Variants in SS18 observed in about 807,000 individuals in gnomAD.
SS18 encodes protein SSXT.
Under a neutral mutation model 72.5 loss-of-function variants are expected in SS18, and 28 were observed. That is an observed-to-expected ratio of 0.39 (90% CI 0.29 to 0.53). The LOEUF (loss-of-function observed/expected upper bound fraction) is 0.53, where lower values mean the gene tolerates loss of function less well. Ranked by LOEUF, SS18 falls within the 20% of genes least tolerant of loss-of-function variation. The pLI, the probability that SS18 is intolerant of heterozygous loss-of-function variation, is 0.76. For missense variants in SS18, 518 were observed against 535.3 expected, an observed-to-expected ratio of 0.97 and a Z score of 0.32; for synonymous variants, 172 against 164.2, an observed-to-expected ratio of 1.05 and a Z score of -0.37.
At chr18:26,029,544 T>C (rs1056401735) in intron 10 of SS18, among the ~76,000 whole-genome samples, 1 of 152,106 alleles carries the variant, frequency 6.6e-6, no homozygotes, top group Admixed American at 6.6e-5. Context: ...GTTTGCTAAT[T>C]GGATGTCTGC....
chr18:26,073,246 T>G (rs2144116378), intron 3 of SS18, among the ~76,000 whole-genome samples: 1 of 152,234 alleles, frequency 6.6e-6, no homozygotes, highest in African/African-American at 2.4e-5. Context: ...AAAATAATTA[T>G]GAAAATTAGA....
intron 4 of SS18, 121 bp downstream of exon 4, chr18:26,057,468 G>T: frequency 2.6e-6 from 3 of 1,136,534 alleles, no homozygotes; most frequent in Admixed American, 2.0e-5. Context: ...CTCTAAGAGA[G>T]CTTGTACTCG....
chr18:26,024,845 C>CTA (rs1233420120), intron 10 of SS18, among the ~76,000 whole-genome samples: 1 of 151,820 alleles, frequency 6.6e-6, no homozygotes, highest in Non-Finnish European at 1.5e-5. Flanking sequence ...GTCAAAAACC[C>CTA]CAATTTAAAG....
rs2053267408 is a variant in SS18, at chr18:26,017,388, T to A, written c.*966A>T. On this transcript the variant is annotated 3_prime_UTR_variant, in exon 11 of 11. Coordinates refer to ENST00000415083, the MANE Select transcript of SS18 (RefSeq NM_001007559.3). Reference sequence around the variant, plus strand: ...CCAATTATCCCTCAATATTACAAAATAAAATGACTGGATCAATGTTGACTC... The same window carrying A: ...CCAATTATCCCTCAATATTACAAAAAAAAATGACTGGATCAATGTTGACTC... 1 of 192,130 alleles carries A rather than the reference T, an allele frequency of 5.2e-6. No individual in the cohort carries two copies. The highest frequency in any genetic ancestry group is 1.1e-5 in the Non-Finnish European group (1 of 91,684). 11.9% of individuals were successfully genotyped at this position (192,130 alleles called of 1,614,324 possible).
chr18:26,071,648 T>A (rs1275719677), intron 3 of SS18, among the ~76,000 whole-genome samples: 1 of 151,974 alleles, frequency 6.6e-6, no homozygotes, highest in Non-Finnish European at 1.5e-5. Flanking sequence ...CCGGGCGATA[T>A]AAGACCCCAT....
Position 26,090,578 on chromosome 18 carries a change from C to G in SS18, c.-9G>C, listed in dbSNP as rs779056598. 11 of 1,577,228 alleles carry G rather than the reference C, an allele frequency of 7.0e-6. No individual in the cohort carries two copies. The Admixed American group carries it at 1.4e-4, about 21-fold the overall frequency. The stretch of plus-strand genomic sequence containing the variant: ...GCGAAAGCCACAGACATGTTGCCGC[C>G]GTCACCACTATCGGCAAGTCCCGAG... On this transcript the variant is annotated 5_prime_UTR_variant, in exon 1 of 11. Transcript: ENST00000415083.
At chr18:26,077,902 A>G (rs1448884769) in intron 3 of SS18, among the ~76,000 whole-genome samples, 174 bp downstream of exon 3, 1 of 152,176 alleles carries the variant, frequency 6.6e-6, no homozygotes, top group Non-Finnish European at 1.5e-5. Flanking sequence ...TTTTAGGTGA[A>G]TTCAAATTAA....
At chr18:26,081,733 A>G (rs2054527019) in intron 2 of SS18, among the ~76,000 whole-genome samples, 1 of 152,046 alleles carries the variant, frequency 6.6e-6, no homozygotes, top group Non-Finnish European at 1.5e-5. Context: ...TCACTGAAAC[A>G]GTTTACTTTC....
chr18:26,035,941 G>A lies in SS18; in HGVS notation c.881-18C>T. 6.4e-7 allele frequency: 1 copy of A among 1,556,064 alleles called. No individual in the cohort carries two copies. Among genetic ancestry groups the A allele is most frequent in the Non-Finnish European group, 8.8e-7 (1 of 1,137,206 alleles). ...ATTATGACCTACATCAATTCGACAA[G>A]AGACAGGAAGAAACGTTAATGGCCA... is the stretch of plus-strand genomic sequence containing the variant. On this transcript the variant is annotated intron_variant, in intron 7 of 10. Transcript: ENST00000415083. The surrounding 1 kb of genome is among the most constrained non-coding windows in gnomAD (Gnocchi z 4.4).
intron 3 of SS18, among the ~76,000 whole-genome samples, chr18:26,075,924 GAAAAT>G (rs1398436293): frequency 6.6e-6 from 1 of 151,718 alleles, no homozygotes; most frequent in Non-Finnish European, 1.5e-5. Flanking sequence ...AATGCAGCTA[GAAAAT>G]AAAACTTAAA....
At chr18:26,057,528 C>T (rs923359211) in intron 4 of SS18, 61 bp downstream of exon 4, 23 of 1,595,760 alleles carry the variant, frequency 1.4e-5, no homozygotes, top group Non-Finnish European at 2.0e-5. Flanking sequence ...CCCTTGAGCC[C>T]CCATGTCGTT....
At chr18:26,045,402 C>T (rs2053803084) in intron 5 of SS18, among the ~76,000 whole-genome samples, 1 of 152,152 alleles carries the variant, frequency 6.6e-6, no homozygotes, top group Admixed American at 6.5e-5. Context: ...GGTCTCCTTG[C>T]TATACTTCAA....
intron 5 of SS18, among the ~76,000 whole-genome samples, chr18:26,042,199 A>AC (rs2053740829): frequency 6.6e-6 from 1 of 152,334 alleles, no homozygotes; most frequent in Middle Eastern, 3.4e-3. Context: ...TCAAAAGGTT[A>AC]CCCCAAAATA....
At position 26,058,681 on chromosome 18, in the gene SS18, T is replaced by G. The variant is rs1229606517; in HGVS notation, c.232-939A>C. Among the ~76,000 whole-genome samples the G allele has an allele frequency of 5.3e-5, 8 of 152,334 alleles. No individual in the cohort carries two copies. The East Asian group carries it at 1.2e-3, about 22-fold the overall frequency. The stretch of plus-strand genomic sequence containing the variant: ...CACATTGTTATTTGGCCATCACATT[T>G]AAATACTCAAACCTCCAAACAGTTA... On this transcript the variant is annotated intron_variant, in intron 3 of 10. Coordinates refer to ENST00000415083, the MANE Select transcript of SS18 (RefSeq NM_001007559.3).
rs547870436 is a variant in SS18 at position 26,087,910 on chromosome 18, C to A, written c.70-333G>T. On this transcript the variant is annotated intron_variant, in intron 1 of 10. Coordinates refer to ENST00000415083, the MANE Select transcript of SS18 (RefSeq NM_001007559.3). The stretch of plus-strand genomic sequence containing the variant: ...AGCTCTCTTGCATAAAATTTCATTA[C>A]GTACTGTTTAAATCTCTTGTAAAAA... 4.2e-4 allele frequency among the ~76,000 whole-genome samples: 64 copies of A among 152,206 alleles called. 1 individual carries two copies. The highest frequency in any genetic ancestry group is 1.0e-4 in the Non-Finnish European group (7 of 67,990).
At chr18:26,090,038 G>T in intron 1 of SS18, 1 of 164,838 alleles carries the variant, frequency 6.1e-6, no homozygotes, top group Non-Finnish European at 1.3e-5. Context: ...AGTTTGCAGG[G>T]CGGCGACCAG....
chr18:26,024,059 T>C (rs1454436840), intron 10 of SS18, among the ~76,000 whole-genome samples: 1 of 152,110 alleles, frequency 6.6e-6, no homozygotes, highest in Admixed American at 6.6e-5. Context: ...GAAAATATTA[T>C]TTTAAGTAAA....
chr18:26,057,209 T>A (rs1475924688), intron 4 of SS18, among the ~76,000 whole-genome samples: 1 of 152,234 alleles, frequency 6.6e-6, no homozygotes, highest in African/African-American at 2.4e-5. Flanking sequence ...CTGAGATCAA[T>A]CAATATTTAA....
chr18:26,053,081 G>A (rs1371457459), intron 4 of SS18, among the ~76,000 whole-genome samples: 4 of 152,154 alleles, frequency 2.6e-5, no homozygotes, highest in Non-Finnish European at 5.9e-5. Flanking sequence ...AAGAAGGAAG[G>A]ACTAGCTTCT....
Sources: allele counts gnomAD v4.1 joint callset (sites outside exome capture counted in the v4.1 genomes callset), GRCh38; gene constraint gnomAD v4.1.1; non-coding constraint Gnocchi (gnomAD v3.1); transcripts MANE v1.5; gene names NCBI Gene and HGNC (gene_info 2026-07-23, HGNC 2026-07-21).